RFTN2: variants seen among roughly 807,000 people sequenced by gnomAD.
RFTN2 encodes raftlin-2.
Under a neutral mutation model 52.7 loss-of-function variants are expected in RFTN2, and 34 were observed. The observed-to-expected ratio is 0.64, with a 90% CI of 0.49 to 0.86. The LOEUF is 0.86. RFTN2 is among the 40% of genes least tolerant of loss of function. RFTN2 has a pLI of 0.00. For synonymous variants in RFTN2, 203 were observed against 217.7 expected (o/e 0.93, Z 0.59); for missense variants, 536 against 600.1 (o/e 0.89, Z 1.12).
intron 8 of RFTN2, among the ~76,000 whole-genome samples, chr2:197,594,019 T>TC (rs2087757765): frequency 6.9e-6 from 1 of 144,780 alleles, no homozygotes; most frequent in East Asian, 2.0e-4. Flanking sequence ...ATATTTCTTT[T>TC]TTTTTTTTTT....
chr2:197,618,791 G>A (rs889047292), intron 5 of RFTN2, among the ~76,000 whole-genome samples: 190 of 151,416 alleles, frequency 1.3e-3, no homozygotes, highest in African/African-American at 4.5e-3. Flanking sequence ...TCTGAGAAGT[G>A]AGGAGACCTT....
intron 8 of RFTN2, among the ~76,000 whole-genome samples, chr2:197,584,760 T>A (rs2087569049): frequency 6.6e-6 from 1 of 152,170 alleles, no homozygotes; most frequent in Non-Finnish European, 1.5e-5. Flanking sequence ...ATTGAACTTT[T>A]ACATGGACGC....
chr2:197,582,413 T>C (rs999799805), intron 8 of RFTN2, among the ~76,000 whole-genome samples: 1 of 152,188 alleles, frequency 6.6e-6, no homozygotes. Flanking sequence ...ATTGACTCCA[T>C]TTCCCCATAT....
Position 197,570,953 on chromosome 2 carries a change from A to G in RFTN2, c.*1055T>C, listed in dbSNP as rs1467569563. The G allele has an allele frequency of 6.6e-6, 1 of 152,300 alleles. No individual in the cohort carries two copies. Among genetic ancestry groups the G allele is most frequent in the African/African-American group, 2.4e-5 (1 of 41,464 alleles). The allele number at this position is 152,300 out of a possible 1,614,324, so 9.4% of individuals were successfully genotyped here. ...AAAGTAAGCCTTTCATAGATAAATGAAAATCCTTTATTTTGTAGAATTTTA... is the reference window on the plus strand; with the variant it reads ...AAAGTAAGCCTTTCATAGATAAATGGAAATCCTTTATTTTGTAGAATTTTA... On this transcript the variant is annotated 3_prime_UTR_variant, in exon 9 of 9. Coordinates refer to ENST00000295049, the MANE Select transcript of RFTN2 (RefSeq NM_144629.3).
chr2:197,653,379 G>A (rs2088850142), intron 1 of RFTN2, among the ~76,000 whole-genome samples: 1 of 152,118 alleles, frequency 6.6e-6, no homozygotes, highest in Admixed American at 6.6e-5. Flanking sequence ...TGAGGAACAG[G>A]GCACCATCTG....
rs577289366 is a variant in RFTN2 at position 197,624,280 on chromosome 2, A to ATC, written c.929-6361_929-6360dup. Among the ~76,000 whole-genome samples, 179 of 152,280 alleles carry ATC rather than the reference A, an allele frequency of 1.2e-3. 5 individuals are homozygous for ATC. The highest frequency in any genetic ancestry group is 9.1e-3 in the Admixed American group (139 of 15,302). On this transcript the variant is annotated intron_variant, in intron 5 of 8. Transcript: ENST00000295049. ...TGTGGTTAAAATGCCGTCAAACAGC[A>ATC]TCATATGCTAGAGAGAAATTTTGTG...
intron 1 of RFTN2, among the ~76,000 whole-genome samples, chr2:197,652,388 AC>A (rs1388813641): frequency 3.3e-5 from 5 of 152,190 alleles, no homozygotes. Context: ...AATACTCTTG[AC>A]CGCTCATAGG....
At chr2:197,579,267 C>G (rs2087467317) in intron 8 of RFTN2, among the ~76,000 whole-genome samples, 1 of 152,168 alleles carries the variant, frequency 6.6e-6, no homozygotes, top group Non-Finnish European at 1.5e-5. Context: ...ACCACCTTGC[C>G]TGGGGGGCAA....
chr2:197,587,947 A>T (rs559521039), intron 8 of RFTN2: 3 of 468,694 alleles, frequency 6.4e-6, no homozygotes, highest in Non-Finnish European at 1.3e-5. Flanking sequence ...GGATTTGTCC[A>T]AGGTCATGAA....
At chr2:197,624,909 A>C (rs537785979) in intron 5 of RFTN2, among the ~76,000 whole-genome samples, 1 of 152,128 alleles carries the variant, frequency 6.6e-6, no homozygotes, top group Non-Finnish European at 1.5e-5. Context: ...AGATCACATC[A>C]CTGTGCTCCA....
chr2:197,584,318 T>A (rs1334018722), intron 8 of RFTN2, among the ~76,000 whole-genome samples: 7 of 152,206 alleles, frequency 4.6e-5, no homozygotes, highest in Non-Finnish European at 1.0e-4. Flanking sequence ...TGATCGCCAT[T>A]CTAACTGGTG....
At chr2:197,671,327 G>T (rs1376255140) in intron 1 of RFTN2, among the ~76,000 whole-genome samples, 1 of 152,202 alleles carries the variant, frequency 6.6e-6, no homozygotes, top group Non-Finnish European at 1.5e-5. Context: ...TCAAGGGTCA[G>T]TTAAAGTCCT....
intron 7 of RFTN2, among the ~76,000 whole-genome samples, chr2:197,606,740 CA>C (rs1334554610): frequency 1.3e-5 from 2 of 151,580 alleles, no homozygotes; most frequent in African/African-American, 4.9e-5. Flanking sequence ...TGCTCATCAT[CA>C]CTGGCCATCA....
intron 4 of RFTN2, among the ~76,000 whole-genome samples, chr2:197,632,757 C>G (rs1007246819): frequency 1.3e-5 from 2 of 152,064 alleles, no homozygotes; most frequent in South Asian, 2.1e-4. Flanking sequence ...GGAGGTGGAG[C>G]TTATGTGGCT....
chr2:197,599,191 G>A (rs1049342519), intron 7 of RFTN2, among the ~76,000 whole-genome samples: 1 of 151,922 alleles, frequency 6.6e-6, no homozygotes, highest in Non-Finnish European at 1.5e-5. Context: ...CGCCCACCTC[G>A]GCCTCCCAAA....
intron 8 of RFTN2, among the ~76,000 whole-genome samples, chr2:197,593,884 C>CA (rs534731223): frequency 0.012 from 705 of 60,562 alleles, 2 homozygotes; most frequent in African/African-American, 0.029. Flanking sequence ...GACTCCATCT[C>CA]AAAAAAAAAA....
chr2:197,653,802 C>T (rs570039922), intron 1 of RFTN2, among the ~76,000 whole-genome samples: 7 of 152,316 alleles, frequency 4.6e-5, no homozygotes, highest in East Asian at 3.9e-4. Context: ...GCCACCTCCC[C>T]TTAACAACTC....
intron 8 of RFTN2, 29 bp from the exon 9 acceptor site, chr2:197,572,309 G>GAGTTA: frequency 6.2e-7 from 1 of 1,606,432 alleles, no homozygotes; most frequent in Non-Finnish European, 8.5e-7. Flanking sequence ...GTGACCAGGA[G>GAGTTA]AGTTAAAAAG....
intron 7 of RFTN2, among the ~76,000 whole-genome samples, chr2:197,605,763 A>G (rs1055783700): frequency 1.3e-5 from 2 of 152,166 alleles, no homozygotes; most frequent in African/African-American, 4.8e-5. Flanking sequence ...CCAGGCAGCC[A>G]CTACCAACAG....
Sources: gnomAD v4.1 joint callset for allele counts (sites outside exome capture counted in the v4.1 genomes callset) on GRCh38, gnomAD v4.1.1 for gene constraint, MANE v1.5 for transcripts, NCBI Gene and HGNC (gene_info 2026-07-23, HGNC 2026-07-21) for gene names.